PHF2: variants seen among roughly 807,000 people sequenced by gnomAD.
PHF2 encodes PHD finger protein 2.
In PHF2, 27 loss-of-function variants were observed where a neutral mutation model predicts 120.5. The observed-to-expected ratio is 0.22, with a 90% confidence interval of 0.17 to 0.31. PHF2 has a LOEUF of 0.31. Ranked by LOEUF, PHF2 falls within the 10% of genes least tolerant of loss-of-function variation. The probability of loss-of-function intolerance (pLI) is 1.00; values close to 1 mark genes in which losing one functional copy is unlikely to be tolerated. For synonymous variants in PHF2, 568 were observed against 592.5 expected (o/e 0.96, Z 0.60); for missense variants, 1,024 against 1,434.8 (o/e 0.71, Z 4.63).
intron 1 of PHF2, among the ~76,000 whole-genome samples, chr9:93,628,158 G>T (rs1310383937): frequency 6.6e-6 from 1 of 152,166 alleles, no homozygotes; most frequent in Non-Finnish European, 1.5e-5. Context: ...TTATTTACTG[G>T]TGTTTTGTTG....
chr9:93,612,390 C>A (rs1825651751), intron 1 of PHF2, among the ~76,000 whole-genome samples: 1 of 152,252 alleles, frequency 6.6e-6, no homozygotes, highest in African/African-American at 2.4e-5. Flanking sequence ...ATGTGAGGCA[C>A]ACCCTAAAGG....
intron 3 of PHF2, 152 bp downstream of exon 3, chr9:93,636,677 C>G: frequency 1.5e-6 from 1 of 647,164 alleles, no homozygotes; most frequent in South Asian, 1.9e-5. Flanking sequence ...GGCAGCATAG[C>G]CTGCACCAGC....
intron 1 of PHF2, among the ~76,000 whole-genome samples, chr9:93,617,833 C>T (rs1825753081): frequency 6.6e-6 from 1 of 152,202 alleles, no homozygotes; most frequent in Non-Finnish European, 1.5e-5. Context: ...CAAGTCTAGT[C>T]TTTTCAGGTT....
At chr9:93,607,439 ATTTTTTT>A (rs36083667) in intron 1 of PHF2, among the ~76,000 whole-genome samples, 6 of 100,550 alleles carry the variant, frequency 6.0e-5, no homozygotes, top group Admixed American at 4.5e-4. Flanking sequence ...TGCCTGGCTA[ATTTTTTT>A]TTTTTTTTTT....
chr9:93,673,328 T>C (rs1030029641), intron 17 of PHF2, among the ~76,000 whole-genome samples: 5 of 152,004 alleles, frequency 3.3e-5, no homozygotes, highest in Non-Finnish European at 7.4e-5. Flanking sequence ...CTCCTCTCCA[T>C]GCCCATCTCT....
intron 5 of PHF2, 34 bp downstream of exon 5, chr9:93,649,246 G>A (rs41305607): frequency 6.5e-7 from 1 of 1,537,300 alleles, no homozygotes; most frequent in South Asian, 1.2e-5. Context: ...GTGGGGGCTG[G>A]GGTTGGGGCA....
chr9:93,594,662 C>G (rs1017364820), intron 1 of PHF2, among the ~76,000 whole-genome samples: 3 of 152,190 alleles, frequency 2.0e-5, no homozygotes, highest in Non-Finnish European at 4.4e-5. Flanking sequence ...CCAGTGACAG[C>G]ATGAGTGGGA....
intron 1 of PHF2, among the ~76,000 whole-genome samples, chr9:93,604,489 G>A (rs1564377893): frequency 6.7e-6 from 1 of 149,840 alleles, no homozygotes; most frequent in Non-Finnish European, 1.5e-5. Flanking sequence ...TTTTGAGACA[G>A]AGTCTCGCTC....
At chr9:93,618,686 ATAT>A (rs1825766839) in intron 1 of PHF2, among the ~76,000 whole-genome samples, 1 of 152,134 alleles carries the variant, frequency 6.6e-6, no homozygotes, top group Non-Finnish European at 1.5e-5. Flanking sequence ...AAAAATTGTA[ATAT>A]TAATAGCATC....
At chr9:93,619,616 G>T (rs1444470601) in intron 1 of PHF2, among the ~76,000 whole-genome samples, 2 of 151,788 alleles carry the variant, frequency 1.3e-5, no homozygotes, top group African/African-American at 2.4e-5. Flanking sequence ...TGGCCTGTGT[G>T]CCATGCCTGC....
rs943484970 is a variant in PHF2, at chr9:93,656,751, A to G, written c.1147+156A>G. On this transcript the variant is annotated intron_variant, in intron 9 of 21. Coordinates refer to ENST00000359246, the MANE Select transcript of PHF2 (RefSeq NM_005392.4). This position sits in a 1 kb window ranked among gnomAD's most constrained non-coding sequence, Gnocchi z 4.1. ...CAGACCCCTGGGGCTCAGTTTCCCC[A>G]TCTGTATAATGCAGGACTAGATTGA... 6.6e-6 allele frequency among the ~76,000 whole-genome samples: 1 copy of G among 152,056 alleles called. No individual in the cohort carries two copies. The highest frequency in any genetic ancestry group is 1.5e-5 in the Non-Finnish European group (1 of 68,020).
At position 93,660,572 on chromosome 9, in the gene PHF2, T is replaced by G; in HGVS notation, c.1698+12T>G. 6.5e-7 allele frequency: 1 copy of G among 1,536,528 alleles called. No homozygotes were observed. The highest frequency in any genetic ancestry group is 8.7e-7 in the Non-Finnish European group (1 of 1,147,406). On this transcript the variant is annotated intron_variant, in intron 12 of 21. Coordinates refer to ENST00000359246, the MANE Select transcript of PHF2 (RefSeq NM_005392.4). The stretch of plus-strand genomic sequence containing the variant: ...CCAAGAAGGGCAAGGTGGGACCCCC[T>G]CACCCTGACTCCCCACCTTATCACC...
chr9:93,643,478 T>C (rs1043623924), intron 3 of PHF2, among the ~76,000 whole-genome samples: 1 of 152,218 alleles, frequency 6.6e-6, no homozygotes, highest in Non-Finnish European at 1.5e-5. Context: ...TAGTCCCCCC[T>C]GGTTTATCCT....
chr9:93,658,108 A>G (rs3763605), intron 9 of PHF2, 37 bp from the exon 10 acceptor site: 863,836 of 1,393,044 alleles, frequency 0.62, 274,650 homozygotes, highest in African/African-American at 0.66. Flanking sequence ...TGTGGGCAGC[A>G]GGCACCCACC....
At chr9:93,636,196 G>A (rs1226502747) in intron 2 of PHF2, among the ~76,000 whole-genome samples, 3 of 152,174 alleles carry the variant, frequency 2.0e-5, no homozygotes, top group African/African-American at 7.2e-5. Context: ...ATGGTGAGGT[G>A]TGGGATGGGA....
chr9:93,595,514 C>T (rs144482894), intron 1 of PHF2, among the ~76,000 whole-genome samples: 1 of 152,202 alleles, frequency 6.6e-6, no homozygotes, highest in African/African-American at 2.4e-5. Context: ...GAAGATATTT[C>T]CTAGTTGTCT....
chr9:93,645,798 C>T lies in PHF2; in HGVS notation c.460+9C>T. ...CGTCGAGAACTACGTGGGTAAGCGC[C>T]ATCCCCTTCACAGTGCTCTGGGGCT... is the stretch of plus-strand genomic sequence containing the variant. On this transcript the variant is annotated intron_variant, in intron 4 of 21. Transcript: ENST00000359246. 1 of 1,572,572 alleles carries T rather than the reference C, an allele frequency of 6.4e-7. No individual in the cohort carries two copies.
intron 17 of PHF2, chr9:93,671,117 TGTG>T: frequency 2.5e-5 from 22 of 872,624 alleles, no homozygotes; most frequent in Non-Finnish European, 2.8e-5. Context: ...TGGGGGTGCA[TGTG>T]TGGGGGTAGG....
intron 2 of PHF2, among the ~76,000 whole-genome samples, chr9:93,630,574 A>G (rs17534161): frequency 0.067 from 10,246 of 152,110 alleles, 465 homozygotes; most frequent in Non-Finnish European, 0.1. Context: ...CCTTTCCCAC[A>G]CAACCTGCTG....
Sources: allele counts gnomAD v4.1 joint callset (sites outside exome capture counted in the v4.1 genomes callset), GRCh38; gene constraint gnomAD v4.1.1; non-coding constraint Gnocchi (gnomAD v3.1); transcripts MANE v1.5; gene names NCBI Gene and HGNC (gene_info 2026-07-23, HGNC 2026-07-21).